Variants in TMEM132C observed in about 807,000 individuals in gnomAD.
TMEM132C encodes transmembrane protein 132C.
Under a neutral mutation model 61.4 loss-of-function variants are expected in TMEM132C, and 29 were observed. The observed-to-expected ratio is 0.47, with a 90% CI of 0.35 to 0.64. TMEM132C has a LOEUF of 0.64. TMEM132C is among the 30% of genes least tolerant of loss of function. The pLI, the probability that TMEM132C is intolerant of heterozygous loss-of-function variation, is 0.00. For missense variants in TMEM132C, 1,408 were observed against 1,476.9 expected (o/e 0.95, Z 0.76); for synonymous variants, 656 against 633.1 (o/e 1.04, Z -0.54).
intron 3 of TMEM132C, among the ~76,000 whole-genome samples, chr12:128,581,248 C>T (rs558566021): frequency 2.6e-5 from 4 of 151,664 alleles, no homozygotes; most frequent in East Asian, 3.9e-4. Flanking sequence ...ATCCCCATTC[C>T]GGGAATCTTT....
chr12:128,643,204 C>T (rs1437444377), intron 4 of TMEM132C, among the ~76,000 whole-genome samples: 1 of 152,148 alleles, frequency 6.6e-6, no homozygotes, highest in African/African-American at 2.4e-5. Flanking sequence ...ATTTCAGGAC[C>T]GGATTACCGC....
chr12:128,388,539 A>G (rs1206694402), intron 1 of TMEM132C, among the ~76,000 whole-genome samples: 1 of 151,906 alleles, frequency 6.6e-6, no homozygotes, highest in African/African-American at 2.4e-5. Flanking sequence ...CCCTGGGCCT[A>G]GAGTTTGAGA....
rs1022297734 is a variant in TMEM132C, at chr12:128,625,674, G to A, written c.1305+9339G>A. ...AACAGCATAGGGGAAACTGCCCCCCGTGATTCAATTATTTCCCACTGGGCC... is the reference window on the plus strand; with the variant it reads ...AACAGCATAGGGGAAACTGCCCCCCATGATTCAATTATTTCCCACTGGGCC... On this transcript the variant is annotated intron_variant, in intron 4 of 8. Coordinates refer to ENST00000435159, the MANE Select transcript of TMEM132C (RefSeq NM_001136103.3). Among the ~76,000 whole-genome samples, 14 of 152,166 alleles carry A rather than the reference G, an allele frequency of 9.2e-5. No individual in the cohort carries two copies. In the South Asian group the frequency reaches 1.0e-3, roughly 11 times the overall value.
At chr12:128,403,137 CT>C (rs1359499467) in intron 1 of TMEM132C, among the ~76,000 whole-genome samples, 7 of 152,154 alleles carry the variant, frequency 4.6e-5, no homozygotes, top group African/African-American at 1.7e-4. Context: ...ATCAAGGTGC[CT>C]TTTGTTTCAA....
At chr12:128,651,291 T>C (rs1341606087) in intron 4 of TMEM132C, among the ~76,000 whole-genome samples, 1 of 152,198 alleles carries the variant, frequency 6.6e-6, no homozygotes, top group Non-Finnish European at 1.5e-5. Flanking sequence ...TCTGCAGTTG[T>C]CTGCAGCCCA....
chr12:128,485,521 C>T (rs1166638838), intron 2 of TMEM132C, among the ~76,000 whole-genome samples: 1 of 152,072 alleles, frequency 6.6e-6, no homozygotes, highest in Non-Finnish European at 1.5e-5. Context: ...GGGGATATTT[C>T]CCCTAACCCT....
At chr12:128,400,090 T>C (rs1875098405) in intron 1 of TMEM132C, 1 of 152,196 alleles carries the variant, frequency 6.6e-6, no homozygotes. Context: ...GAAAGGTGTG[T>C]CCTCTTAGAA....
intron 6 of TMEM132C, among the ~76,000 whole-genome samples, chr12:128,695,615 A>C (rs530367169): frequency 6.6e-6 from 1 of 152,342 alleles, no homozygotes; most frequent in South Asian, 2.1e-4. Context: ...CTTGGTACAT[A>C]TTAGCCCTTG....
At chr12:128,507,398 C>T (rs201886348) in intron 2 of TMEM132C, among the ~76,000 whole-genome samples, 360 of 105,772 alleles carry the variant, frequency 3.4e-3, no homozygotes, top group Middle Eastern at 0.02. Flanking sequence ...TTTTTTTTTT[C>T]TTTCTTTTTT....
In TMEM132C at chr12:128,570,604, G is replaced by A. The variant is rs749583992; in HGVS notation, c.1121+26501G>A. On this transcript the variant is annotated intron_variant, in intron 3 of 8. Transcript: ENST00000435159. This position sits in a 1 kb window ranked among gnomAD's most constrained non-coding sequence, Gnocchi z 4.7. ...AGAGGCTAGGGTTAGGCTGTGGCTG[G>A]CTCAGTGTCTCCACAACGCCAGGGG... Among the ~76,000 whole-genome samples the A allele has an allele frequency of 8.5e-5, 13 of 152,108 alleles. No individual in the cohort carries two copies. The highest frequency in any genetic ancestry group is 1.9e-4 in the Non-Finnish European group (13 of 68,018).
At chr12:128,552,405 T>C (rs1356282116) in intron 3 of TMEM132C, among the ~76,000 whole-genome samples, 1 of 152,208 alleles carries the variant, frequency 6.6e-6, no homozygotes, top group Non-Finnish European at 1.5e-5. Flanking sequence ...CAGTAAATCT[T>C]TCTAACGGTC....
At chr12:128,592,819 C>G (rs1952051590) in intron 3 of TMEM132C, among the ~76,000 whole-genome samples, 1 of 152,218 alleles carries the variant, frequency 6.6e-6, no homozygotes, top group Non-Finnish European at 1.5e-5. Context: ...CTGTCATTGT[C>G]TCCATTCTTT....
At chr12:128,515,834 CAA>C (rs199518470) in intron 2 of TMEM132C, among the ~76,000 whole-genome samples, 13 of 111,956 alleles carry the variant, frequency 1.2e-4, no homozygotes, top group East Asian at 2.6e-4. Context: ...GACTCCGTCT[CAA>C]AAAAAAAAAA....
chr12:128,639,482 C>T (rs570562344), intron 4 of TMEM132C, among the ~76,000 whole-genome samples: 2 of 152,080 alleles, frequency 1.3e-5, no homozygotes, highest in South Asian at 4.2e-4. Flanking sequence ...GTGGTGACAT[C>T]ATGTTTGAGA....
At chr12:128,396,988 C>G (rs1874980476) in intron 1 of TMEM132C, among the ~76,000 whole-genome samples, 1 of 152,060 alleles carries the variant, frequency 6.6e-6, no homozygotes, top group Admixed American at 6.5e-5. Flanking sequence ...GAGAGTGACC[C>G]TAGGTTAGCC....
intron 2 of TMEM132C, among the ~76,000 whole-genome samples, chr12:128,520,250 C>T (rs1719787930): frequency 6.6e-6 from 1 of 152,216 alleles, no homozygotes; most frequent in Admixed American, 6.5e-5. Context: ...CCCCTGCATG[C>T]TCTTGGTCAG....
chr12:128,347,762 C>A (rs1275244849), intron 1 of TMEM132C, among the ~76,000 whole-genome samples: 1 of 152,180 alleles, frequency 6.6e-6, no homozygotes, highest in Non-Finnish European at 1.5e-5. Context: ...ACTTCTCTTC[C>A]TTTGGGTAGA....
intron 1 of TMEM132C, among the ~76,000 whole-genome samples, chr12:128,365,879 G>C (rs546245701): frequency 1.3e-5 from 2 of 152,174 alleles, no homozygotes; most frequent in East Asian, 3.9e-4. Context: ...GTGCCGAGGA[G>C]CCCTCCCCGG....
intron 2 of TMEM132C, among the ~76,000 whole-genome samples, chr12:128,499,778 T>G (rs1370680799): frequency 6.6e-6 from 1 of 152,322 alleles, no homozygotes; most frequent in African/African-American, 2.4e-5. Flanking sequence ...TTTTAAAAAT[T>G]TGTTCATCCA....
Sources: gnomAD v4.1 joint callset for allele counts (sites outside exome capture counted in the v4.1 genomes callset) on GRCh38, gnomAD v4.1.1 for gene constraint, Gnocchi (gnomAD v3.1) non-coding constraint, MANE v1.5 for transcripts, NCBI Gene and HGNC (gene_info 2026-07-23, HGNC 2026-07-21) for gene names.